The following KRIT1 variants were observed in gnomAD, a reference collection of about 807,000 sequenced individuals.
KRIT1 encodes KRIT1 ankyrin repeat containing.
KRIT1 carries 45 observed loss-of-function variants against 95.8 expected under a neutral mutation model. The ratio of observed to expected loss-of-function variants is 0.47; its 90% CI spans 0.37 to 0.60. The LOEUF (loss-of-function observed/expected upper bound fraction) is 0.60. KRIT1 is among the 20% of genes least tolerant of loss of function. The pLI, the probability that KRIT1 is intolerant of heterozygous loss-of-function variation, is 0.00. For synonymous variants in KRIT1, 282 were observed against 278.8 expected (o/e 1.01, Z -0.11); for missense variants, 788 against 877.5 (o/e 0.90, Z 1.29).
chr7:92,225,402 G>A (rs1796011468), intron 12 of KRIT1, among the ~76,000 whole-genome samples: 2 of 152,064 alleles, frequency 1.3e-5, no homozygotes, highest in African/African-American at 4.8e-5. Flanking sequence ...CCACCTCCTG[G>A]GTTCAAGCAA....
At chr7:92,203,295 T>C (rs1790637694) in intron 17 of KRIT1, among the ~76,000 whole-genome samples, 1 of 152,214 alleles carries the variant, frequency 6.6e-6, no homozygotes, top group Admixed American at 6.5e-5. Flanking sequence ...TTGGTGAATC[T>C]AAGACAACTG....
chr7:92,200,430 C>T lies in KRIT1; in HGVS notation c.*306G>A. 2 of 359,170 alleles carry T rather than the reference C, an allele frequency of 5.6e-6. No homozygotes were observed. The highest frequency in any genetic ancestry group is 1.1e-5 in the Non-Finnish European group (2 of 187,508). 22.2% of individuals were successfully genotyped at this position (359,170 alleles called of 1,614,324 possible). A position where few individuals can be genotyped will look rare whatever the true frequency, so the allele number is the denominator to read the frequency against. On this transcript the variant is annotated 3_prime_UTR_variant, in exon 19 of 19. Transcript: ENST00000394505. Reference sequence around the variant, plus strand: ...CGTGCCGTGGTGCAATCTTGGCTCACTACAACCTCCACCTCCTGGGTTTAA... The same window carrying T: ...CGTGCCGTGGTGCAATCTTGGCTCATTACAACCTCCACCTCCTGGGTTTAA...
chr7:92,234,696 A>G (rs1018777962), intron 9 of KRIT1, 104 bp from the exon 10 acceptor site: 1 of 1,156,344 alleles, frequency 8.6e-7, no homozygotes. Flanking sequence ...AAGAAGCTGT[A>G]AACTCAATAG....
rs149437256 is a variant in KRIT1 at position 92,201,364 on chromosome 7, A to T, written c.2085T>A (p.Thr695=). Residue 695 remains threonine (T), a synonymous_variant, in exon 18 of 19, where the codon ACT becomes ACA. Coordinates refer to ENST00000394505, the MANE Select transcript of KRIT1 (RefSeq NM_194454.3). ...TTTCCATGCTATGGATCTGAAAACA[A>T]GTATCAGTATCTCCCAATTGCCACA... is the stretch of plus-strand genomic sequence containing the variant. ...CFMWQLGDTD[T]CFQIHSMENK... The T allele has an allele frequency of 3.4e-4, 549 of 1,601,060 alleles. 1 individual carries two copies. The highest frequency in any genetic ancestry group is 1.7e-4 in the Non-Finnish European group (194 of 1,168,278).
intron 14 of KRIT1, among the ~76,000 whole-genome samples, chr7:92,217,302 G>A (rs951851966): frequency 4.6e-5 from 7 of 152,052 alleles, no homozygotes; most frequent in Non-Finnish European, 2.9e-5. Context: ...CATTTGACCC[G>A]TTTTAAAGTG....
intron 15 of KRIT1, 84 bp downstream of exon 15, chr7:92,214,527 A>G: frequency 9.9e-7 from 1 of 1,011,970 alleles, no homozygotes. Context: ...ATGTATAAAT[A>G]TTTTCTAATA....
At chr7:92,213,628 C>A (rs964960490) in intron 16 of KRIT1, among the ~76,000 whole-genome samples, 1 of 151,760 alleles carries the variant, frequency 6.6e-6, no homozygotes, top group Non-Finnish European at 1.5e-5. Flanking sequence ...AATTGCTTCA[C>A]GGGCATGGAT....
intron 11 of KRIT1, among the ~76,000 whole-genome samples, chr7:92,226,305 T>TA (rs1336848808): frequency 2.6e-5 from 4 of 152,098 alleles, no homozygotes; most frequent in Non-Finnish European, 5.9e-5. Flanking sequence ...GAGGTGTATT[T>TA]AAAAAATCTA....
chr7:92,212,520 T>C (rs1365593499), intron 17 of KRIT1, among the ~76,000 whole-genome samples: 2 of 152,190 alleles, frequency 1.3e-5, no homozygotes, highest in Non-Finnish European at 2.9e-5. Context: ...ATGGGATTCA[T>C]GCCTTTATAA....
intron 10 of KRIT1, among the ~76,000 whole-genome samples, chr7:92,232,645 C>T (rs1363393169): frequency 6.6e-6 from 1 of 152,008 alleles, no homozygotes; most frequent in Non-Finnish European, 1.5e-5. Context: ...GGAATCTGAA[C>T]TATATTCTCT....
Position 92,222,952 on chromosome 7 carries a change from C to A in KRIT1, c.1281G>T (p.Met427Ile). ...ATTCAACAGAACGATATGACCCATCCATTCTGTATATTCGAACTTTTTCAT... is the reference window on the plus strand; with the variant it reads ...ATTCAACAGAACGATATGACCCATCAATTCTGTATATTCGAACTTTTTCAT... ...KPYEKVRIYR[M>I]DGSYRSVELK... is the part of the protein sequence containing the mutation. Residue 427 changes from methionine (M) to isoleucine (I), a missense_variant, in exon 13 of 19, where the codon ATG (methionine) becomes ATT (isoleucine). Coordinates refer to ENST00000394505, the MANE Select transcript of KRIT1 (RefSeq NM_194454.3). The A allele has an allele frequency of 6.2e-7, 1 of 1,610,660 alleles. No individual in the cohort carries two copies. The highest frequency in any genetic ancestry group is 8.5e-7 in the Non-Finnish European group (1 of 1,177,212).
At chr7:92,203,010 A>G (rs973685677) in intron 17 of KRIT1, among the ~76,000 whole-genome samples, 2 of 152,198 alleles carry the variant, frequency 1.3e-5, no homozygotes, top group Non-Finnish European at 2.9e-5. Flanking sequence ...GTCCATTAAT[A>G]TGGCTTCAAA....
At chr7:92,226,477 G>C in intron 11 of KRIT1, 49 bp downstream of exon 11, 2 of 1,359,626 alleles carry the variant, frequency 1.5e-6, no homozygotes, top group Non-Finnish European at 2.1e-6. Flanking sequence ...GTCATTACTT[G>C]TTATTCACTG....
chr7:92,240,740 G>C, intron 5 of KRIT1: 1 of 486,302 alleles, frequency 2.1e-6, no homozygotes, highest in Non-Finnish European at 3.7e-6. Flanking sequence ...GTAGTTAAAA[G>C]ATACTTACCT....
In KRIT1 at chr7:92,221,944, A is replaced by G; in HGVS notation, c.1521T>C (p.Phe507=). 1 of 1,613,864 alleles carries G rather than the reference A, an allele frequency of 6.2e-7. No homozygotes were observed. Among genetic ancestry groups the G allele is most frequent in the Non-Finnish European group, 8.5e-7 (1 of 1,179,804 alleles). ...LDPQRETPQL[F]LRRDVRLPLE... is the part of the protein sequence containing the mutation. ...AGGGAAGTCTCACATCTCTTCTTAG[A>G]AAAAGCTGAGGTGTTTCCCTTTGAG... The change falls in exon 14 of 19, where the codon TTT becomes TTC. Residue 507 remains phenylalanine, a synonymous_variant. Transcript: ENST00000394505.
At chr7:92,209,722 T>C (rs1792355822) in intron 17 of KRIT1, among the ~76,000 whole-genome samples, 1 of 152,078 alleles carries the variant, frequency 6.6e-6, no homozygotes, top group East Asian at 1.9e-4. Flanking sequence ...ACACAAAAAA[T>C]TGGAAAGATA....
At position 92,241,147 on chromosome 7, in the gene KRIT1, C is replaced by A; in HGVS notation, c.108G>T (p.Leu36Phe). 6.2e-7 allele frequency: 1 copy of A among 1,605,756 alleles called. No individual in the cohort carries two copies. The highest frequency in any genetic ancestry group is 8.5e-7 in the Non-Finnish European group (1 of 1,173,126). The change falls in exon 5 of 19, where the codon TTG becomes TTT. Residue 36 changes from leucine to phenylalanine, a missense_variant. Coordinates refer to ENST00000394505, the MANE Select transcript of KRIT1 (RefSeq NM_194454.3). ...GTCCTTCAATGGGAACTTCATGCAA[C>A]AAAATCTTAGATGAGAAAAACATTA... is the stretch of plus-strand genomic sequence containing the variant. ...REYRAKSYEI[L>F]LHEVPIEGQK... is the part of the protein sequence containing the mutation.
chr7:92,234,557 C>T lies in KRIT1; in HGVS notation c.881G>A (p.Arg294Gln). The T allele has an allele frequency of 5.6e-6, 9 of 1,613,250 alleles. No homozygotes were observed. Among genetic ancestry groups the T allele is most frequent in the African/African-American group, 2.7e-5 (2 of 74,974 alleles). Reference sequence around the variant, plus strand: ...TTCTGAATCTCCTTCACAGGCGCTTCGGTGGAGAGGAAAATCATCTACCCA... The same window carrying T: ...TTCTGAATCTCCTTCACAGGCGCTTTGGTGGAGAGGAAAATCATCTACCCA... The part of the protein sequence containing the change: ...RQWVDDFPLH[R>Q]SACEGDSELL... Residue 294 changes from arginine to glutamine, a missense_variant, in exon 10 of 19, where the codon CGA (arginine) becomes CAA (glutamine). By Grantham distance (43) the Arg-to-Gln change is conservative (BLOSUM62 1). This residue lies in a region of KRIT1 where 493 missense variants were observed against 582.3 expected (regional missense o/e 0.85). Transcript: ENST00000394505.
rs1795239278 is a variant in KRIT1, at chr7:92,221,990, G to T, written c.1475C>A (p.Ala492Asp). 6.2e-7 allele frequency: 1 copy of T among 1,613,226 alleles called. No individual in the cohort carries two copies. The highest frequency in any genetic ancestry group is 8.5e-7 in the Non-Finnish European group (1 of 1,179,404). The change falls in exon 14 of 19, where the codon GCT becomes GAT. Residue 492 changes from alanine to aspartate, a missense_variant. This residue lies in a region of KRIT1 where 493 missense variants were observed against 582.3 expected (regional missense o/e 0.85). Transcript: ENST00000394505. Reference sequence around the variant, plus strand: ...TTGAGGATCCAGATTAGTCAATTCAGCAAGTATTTCTGGCCAGTCACGAAC... The same window carrying T: ...TTGAGGATCCAGATTAGTCAATTCATCAAGTATTTCTGGCCAGTCACGAAC... ...QHVRDWPEIL[A>D]ELTNLDPQRE...
Sources: allele counts gnomAD v4.1 joint callset (sites outside exome capture counted in the v4.1 genomes callset), GRCh38; gene constraint gnomAD v4.1.1; regional missense constraint gnomAD v4.1.1; transcripts MANE v1.5; gene names NCBI Gene and HGNC (gene_info 2026-07-23, HGNC 2026-07-21).